DNAJC10: variants seen among roughly 807,000 people sequenced by gnomAD.
DNAJC10 encodes the protein endoplasmic reticulum disulfide reductase DNAJC10.
Under a neutral mutation model 115.0 loss-of-function variants are expected in DNAJC10, and 101 were observed. That is an observed-to-expected ratio of 0.88 (90% CI 0.75 to 1.04). The LOEUF (loss-of-function observed/expected upper bound fraction) is 1.04, where lower values mean the gene tolerates loss of function less well. DNAJC10 is among the 50% of genes least tolerant of loss of function. The probability of loss-of-function intolerance (pLI) is 0.00; values close to 1 mark genes in which losing one functional copy is unlikely to be tolerated. For missense variants in DNAJC10, 981 were observed against 928.8 expected (o/e 1.06, Z -0.73); for synonymous variants, 307 against 301.5 (o/e 1.02, Z -0.19).
At position 182,775,436 on chromosome 2, in the gene DNAJC10, A is replaced by G; in HGVS notation, c.2370+16A>G. The G allele has an allele frequency of 9.5e-6, 15 of 1,570,712 alleles. No homozygotes were observed. Among genetic ancestry groups the G allele is most frequent in the Non-Finnish European group, 1.2e-5 (14 of 1,148,060 alleles). ...GAGGAATAAGGTATGGACTAAGCCT[A>G]GAGTTGACTTTGGCAAAAGTTGGCA... On this transcript the variant is annotated intron_variant, in intron 23 of 23. Coordinates refer to ENST00000264065, the MANE Select transcript of DNAJC10 (RefSeq NM_018981.4).
Position 182,720,015 on chromosome 2 carries a change from A to C in DNAJC10, c.213A>C (p.Pro71=), listed in dbSNP as rs770906503. The change falls in exon 4 of 24, where the codon CCA becomes CCC. Residue 71 remains proline (P), a synonymous_variant. Coordinates refer to ENST00000264065, the MANE Select transcript of DNAJC10 (RefSeq NM_018981.4). ...CTAATATTTTTTAACAGAATAACCC[A>C]AATGCACATGGCGATTTTTTAAAAA... ...KLHPDKNPNN[P]NAHGDFLKIN... 1 of 1,541,732 alleles carries C rather than the reference A, an allele frequency of 6.5e-7. No individual in the cohort carries two copies. Among genetic ancestry groups the C allele is most frequent in the African/African-American group, 1.4e-5 (1 of 73,188 alleles).
intron 22 of DNAJC10, among the ~76,000 whole-genome samples, chr2:182,771,172 G>A (rs1694552363): frequency 6.6e-6 from 1 of 152,156 alleles, no homozygotes; most frequent in South Asian, 2.1e-4. Context: ...GATCTTGGTG[G>A]ATAAGCTTTT....
intron 22 of DNAJC10, among the ~76,000 whole-genome samples, chr2:182,767,518 C>T (rs1356521957): frequency 2.0e-5 from 3 of 152,158 alleles, no homozygotes; most frequent in Non-Finnish European, 2.9e-5. Flanking sequence ...TCAGGACTGT[C>T]CCTTACTGGG....
rs1302007718 is a variant in DNAJC10 at position 182,786,034 on chromosome 2, A to G, written c.*8902A>G. 3 of 152,202 alleles carry G rather than the reference A, an allele frequency of 2.0e-5. No homozygotes were observed. Among genetic ancestry groups the G allele is most frequent in the Non-Finnish European group, 2.9e-5 (2 of 68,026 alleles). 9.4% of individuals were successfully genotyped at this position (152,202 alleles called of 1,614,324 possible). ...TAGTTGTTAAATGGATGGCTGTATC[A>G]TAAGTATTGAAGCTGATAAGGGATA... is the stretch of plus-strand genomic sequence containing the variant. On this transcript the variant is annotated 3_prime_UTR_variant, in exon 24 of 24. Transcript: ENST00000264065.
chr2:182,745,016 A>C (rs1693825900), intron 14 of DNAJC10, among the ~76,000 whole-genome samples: 1 of 152,104 alleles, frequency 6.6e-6, no homozygotes, highest in Non-Finnish European at 1.5e-5. Flanking sequence ...CTTATCTCCT[A>C]GCCTTTCTTC....
intron 10 of DNAJC10, among the ~76,000 whole-genome samples, 157 bp from the exon 11 acceptor site, chr2:182,736,087 TTATAA>T (rs1315163424): frequency 6.8e-6 from 1 of 147,078 alleles, no homozygotes; most frequent in Non-Finnish European, 1.5e-5. Flanking sequence ...ATTAAGTAAT[TTATAA>T]TATTAGAAAT....
intron 16 of DNAJC10, among the ~76,000 whole-genome samples, chr2:182,753,744 G>A (rs1458616096): frequency 4.6e-5 from 7 of 151,492 alleles, no homozygotes; most frequent in South Asian, 2.1e-4. Context: ...CACCACGTCC[G>A]GCTAACTTTT....
chr2:182,755,113 G>C lies in DNAJC10; in HGVS notation c.1653+9G>C. 1 of 1,505,814 alleles carries C rather than the reference G, an allele frequency of 6.6e-7. No individual in the cohort carries two copies. The highest frequency in any genetic ancestry group is 9.2e-7 in the Non-Finnish European group (1 of 1,081,784). 93.3% of individuals were successfully genotyped at this position (1,505,814 alleles called of 1,614,324 possible). A position where few individuals can be genotyped will look rare whatever the true frequency, so the allele number is the denominator to read the frequency against. ...TCTTGGAGTTCATAGAGGTATTTCA[G>C]ATTATAGACTATGTGACTAGAAATT... is the stretch of plus-strand genomic sequence containing the variant. On this transcript the variant is annotated intron_variant, in intron 17 of 23. Coordinates refer to ENST00000264065, the MANE Select transcript of DNAJC10 (RefSeq NM_018981.4).
Position 182,716,271 on chromosome 2 carries a change from G to T in DNAJC10, c.-416G>T, listed in dbSNP as rs1028504970. 1.3e-5 allele frequency: 2 copies of T among 152,414 alleles called. No homozygotes were observed. Among genetic ancestry groups the T allele is most frequent in the Non-Finnish European group, 2.9e-5 (2 of 68,202 alleles). 9.4% of individuals were successfully genotyped at this position (152,414 alleles called of 1,614,324 possible). A position where few individuals can be genotyped will look rare whatever the true frequency, so the allele number is the denominator to read the frequency against. ...CCAGGCCCCGCCCCGGCTCGCCGTG[G>T]AGACCGGCGCGTGAGGAACCTACCG... On this transcript the variant is annotated 5_prime_UTR_variant, in exon 1 of 24. Transcript: ENST00000264065.
At chr2:182,750,438 G>T (rs1693986127) in intron 14 of DNAJC10, among the ~76,000 whole-genome samples, 1 of 152,148 alleles carries the variant, frequency 6.6e-6, no homozygotes, top group African/African-American at 2.4e-5. Flanking sequence ...GGCACCTAGT[G>T]GATAATTATG....
Position 182,788,762 on chromosome 2 carries a change from T to A in DNAJC10, c.*11630T>A. 2.2e-6 allele frequency: 1 copy of A among 449,346 alleles called. No homozygotes were observed. Among genetic ancestry groups the A allele is most frequent in the Non-Finnish European group, 4.4e-6 (1 of 224,876 alleles). The allele number at this position is 449,346 out of a possible 1,614,324, so 27.8% of individuals were successfully genotyped here. A position where few individuals can be genotyped will look rare whatever the true frequency, so the allele number is the denominator to read the frequency against. Reference sequence around the variant, plus strand: ...TACTTGGGAAAACGGAAAGGTAGACTATTCAGAAGTTTTCTAAAATGGACT... The same window carrying A: ...TACTTGGGAAAACGGAAAGGTAGACAATTCAGAAGTTTTCTAAAATGGACT... On this transcript the variant is annotated 3_prime_UTR_variant, in exon 24 of 24. Transcript: ENST00000264065.
chr2:182,763,955 A>G (rs558234567), intron 22 of DNAJC10, among the ~76,000 whole-genome samples: 5 of 152,282 alleles, frequency 3.3e-5, no homozygotes, highest in South Asian at 2.1e-4. Flanking sequence ...GGTTTAACCA[A>G]TGAAAACTTT....
At chr2:182,745,986 T>C (rs926180730) in intron 14 of DNAJC10, among the ~76,000 whole-genome samples, 8 of 151,732 alleles carry the variant, frequency 5.3e-5, no homozygotes, top group African/African-American at 1.7e-4. Context: ...GAACATGCAG[T>C]GTTTGGTTTT....
At chr2:182,773,088 C>T (rs1007325333) in intron 22 of DNAJC10, among the ~76,000 whole-genome samples, 2 of 152,160 alleles carry the variant, frequency 1.3e-5, no homozygotes, top group African/African-American at 2.4e-5. Flanking sequence ...TTCTCCTTCA[C>T]TTATGAAGCT....
chr2:182,754,737 T>C (rs938557929), intron 16 of DNAJC10: 2 of 1,158,338 alleles, frequency 1.7e-6, no homozygotes, highest in Middle Eastern at 3.7e-4. Flanking sequence ...TAATTACCCA[T>C]GCCGATTTCT....
At chr2:182,725,849 T>C (rs1182412355) in intron 5 of DNAJC10, among the ~76,000 whole-genome samples, 1 of 152,182 alleles carries the variant, frequency 6.6e-6, no homozygotes, top group Non-Finnish European at 1.5e-5. Flanking sequence ...GAGACAGCCT[T>C]CCATTGGAAG....
At chr2:182,744,420 A>G (rs1050051679) in intron 14 of DNAJC10, among the ~76,000 whole-genome samples, 1 of 152,232 alleles carries the variant, frequency 6.6e-6, no homozygotes, top group Non-Finnish European at 1.5e-5. Flanking sequence ...AGGGAGATCC[A>G]TAAGAAAACA....
chr2:182,745,730 AT>A lies in DNAJC10; in HGVS notation c.1306+2027del, dbSNP rs1000537066. ...ATGGACAAGTTTTTTTTTTATTTGA[AT>A]TTTTTTTTAATTTATTATTATTATA... On this transcript the variant is annotated intron_variant, in intron 14 of 23. Coordinates refer to ENST00000264065, the MANE Select transcript of DNAJC10 (RefSeq NM_018981.4). Among the ~76,000 whole-genome samples, 188 of 150,498 alleles carry A rather than the reference AT, an allele frequency of 1.2e-3. 1 individual carries two copies. The highest frequency in any genetic ancestry group is 4.2e-3 in the African/African-American group (172 of 41,046).
At position 182,756,436 on chromosome 2, in the gene DNAJC10, A is replaced by G; in HGVS notation, c.1776A>G (p.Gln592=). The G allele has an allele frequency of 6.2e-7, 1 of 1,613,992 alleles. No individual in the cohort carries two copies. Among genetic ancestry groups the G allele is most frequent in the Non-Finnish European group, 8.5e-7 (1 of 1,179,938 alleles). The change falls in exon 18 of 24, where the codon CAA becomes CAG. Residue 592 remains glutamine, a synonymous_variant. Transcript: ENST00000264065. ...ATTCTCCGTGGTGTCATCCTTGCCA[A>G]GTCTTAATGCCAGAATGGAAAAGAA... ...DFYSPWCHPC[Q]VLMPEWKRMA... is the part of the protein sequence containing the mutation.
Sources: allele counts gnomAD v4.1 joint callset (sites outside exome capture counted in the v4.1 genomes callset), GRCh38; gene constraint gnomAD v4.1.1; transcripts MANE v1.5; gene names NCBI Gene and HGNC (gene_info 2026-07-23, HGNC 2026-07-21).